Variants in CACNA1C observed in about 807,000 individuals in gnomAD.
CACNA1C encodes the protein voltage-dependent L-type calcium channel subunit alpha-1C.
In CACNA1C, 30 loss-of-function variants were observed where a neutral mutation model predicts 229.0. That is an observed-to-expected ratio of 0.13 (90% CI 0.10 to 0.18). The LOEUF (loss-of-function observed/expected upper bound fraction) is 0.18. CACNA1C is among the 10% of genes least tolerant of loss of function. CACNA1C has a pLI of 1.00. For synonymous variants in CACNA1C, 1,114 were observed against 1,132.5 expected (o/e 0.98, Z 0.33); for missense variants, 1,658 against 2,845.0 (o/e 0.58, Z 9.49).
In CACNA1C at chr12:2,654,553, C is replaced by T. The variant is rs774882807; in HGVS notation, c.4141-594C>T. 3.3e-5 allele frequency among the ~76,000 whole-genome samples: 5 copies of T among 152,186 alleles called. No individual in the cohort carries two copies. The highest frequency in any genetic ancestry group is 1.9e-4 in the East Asian group (1 of 5,200). ...CACTAGCCCAAAGCGCTTCCTCGGC[C>T]GCTCCTTCAGGAAGTCCCCTACTTG... On this transcript the variant is annotated intron_variant, in intron 33 of 46. Coordinates refer to ENST00000399655, the MANE Select transcript of CACNA1C (RefSeq NM_000719.7). This position sits in a 1 kb window ranked among gnomAD's most constrained non-coding sequence, Gnocchi z 4.4.
At chr12:2,320,146 C>T (rs2095902289) in intron 3 of CACNA1C, among the ~76,000 whole-genome samples, 1 of 152,144 alleles carries the variant, frequency 6.6e-6, no homozygotes, top group Non-Finnish European at 1.5e-5. Flanking sequence ...GACCTGGGCC[C>T]CTGACTCCAA....
chr12:2,195,191 C>T (rs2239018), intron 3 of CACNA1C, among the ~76,000 whole-genome samples: 46,897 of 152,064 alleles, frequency 0.31, 8,305 homozygotes, highest in South Asian at 0.39. Flanking sequence ...TTGGTCCAGG[C>T]GGTAAGTCAT....
Position 2,547,403 on chromosome 12 carries a change from G to A in CACNA1C, c.1391-2540G>A, listed in dbSNP as rs895040192. 3 of 777,810 alleles carry A rather than the reference G, an allele frequency of 3.9e-6. No individual in the cohort carries two copies. In the African/African-American group the frequency reaches 5.1e-5, roughly 13 times the overall value. 48.2% of individuals were successfully genotyped at this position (777,810 alleles called of 1,614,324 possible). A position where few individuals can be genotyped will look rare whatever the true frequency, so the allele number is the denominator to read the frequency against. Reference sequence around the variant, plus strand: ...CGTGGCTGACTGCGTGTGCTCTATTGATGTCTTGTTCCTGGTTCTTGACAC... The same window carrying A: ...CGTGGCTGACTGCGTGTGCTCTATTAATGTCTTGTTCCTGGTTCTTGACAC... On this transcript the variant is annotated intron_variant, in intron 9 of 46. Transcript: ENST00000399655.
chr12:2,249,585 C>T (rs1016120618), intron 3 of CACNA1C, among the ~76,000 whole-genome samples: 15 of 152,272 alleles, frequency 9.9e-5, no homozygotes, highest in African/African-American at 3.6e-4. Flanking sequence ...CTCTGCAGTT[C>T]GTCACCCCCA....
At chr12:2,638,095 T>G (rs971856783) in intron 30 of CACNA1C, among the ~76,000 whole-genome samples, 3 of 152,208 alleles carry the variant, frequency 2.0e-5, no homozygotes, top group African/African-American at 7.2e-5. Context: ...AGCCCCTGCC[T>G]TCACAGATTT....
intron 3 of CACNA1C, among the ~76,000 whole-genome samples, chr12:2,391,100 G>A (rs937364301): frequency 8.5e-5 from 13 of 152,258 alleles, no homozygotes; most frequent in Non-Finnish European, 1.5e-4. Flanking sequence ...GGTGAGGAAC[G>A]CAAAAATGCC....
At chr12:2,620,649 A>T (rs1402102310) in intron 29 of CACNA1C, among the ~76,000 whole-genome samples, 1 of 152,186 alleles carries the variant, frequency 6.6e-6, no homozygotes, top group African/African-American at 2.4e-5. Flanking sequence ...TGAGTTGACA[A>T]GCACTTTCAG....
At chr12:2,557,837 G>T (rs911575142) in intron 11 of CACNA1C, among the ~76,000 whole-genome samples, 2 of 152,214 alleles carry the variant, frequency 1.3e-5, no homozygotes, top group African/African-American at 4.8e-5. Context: ...CTGCCTGCAT[G>T]CCTCCAGGGG....
intron 1 of CACNA1C, among the ~76,000 whole-genome samples, chr12:2,002,849 T>G (rs557437882): frequency 6.6e-6 from 1 of 152,304 alleles, no homozygotes; most frequent in South Asian, 2.1e-4. Flanking sequence ...TGGAGGAAAC[T>G]GTCTATGTTG....
At chr12:2,529,422 T>G (rs916972324) in intron 9 of CACNA1C, among the ~76,000 whole-genome samples, 2 of 152,362 alleles carry the variant, frequency 1.3e-5, no homozygotes, top group South Asian at 4.1e-4. Context: ...TAGTACATCT[T>G]GAATGTGGGG....
At chr12:2,458,222 G>A (rs1188092214) in intron 5 of CACNA1C, among the ~76,000 whole-genome samples, 4 of 152,206 alleles carry the variant, frequency 2.6e-5, no homozygotes, top group African/African-American at 9.7e-5. Context: ...GAGCCCTACT[G>A]GAAATACCAC....
intron 3 of CACNA1C, among the ~76,000 whole-genome samples, chr12:2,424,597 G>T (rs542662796): frequency 1.3e-5 from 2 of 152,284 alleles, no homozygotes; most frequent in Admixed American, 6.5e-5. Context: ...ATGTGGGTAG[G>T]GGGTGAGTGC....
At position 2,695,122 on chromosome 12, in the gene CACNA1C, CCA is replaced by C. The variant is rs1241189360; in HGVS notation, c.*3924_*3925del. 7.2e-5 allele frequency: 11 copies of C among 152,216 alleles called. No individual in the cohort carries two copies. The highest frequency in any genetic ancestry group is 3.9e-4 in the Admixed American group (6 of 15,288). The allele number at this position is 152,216 out of a possible 1,614,324, so 9.4% of individuals were successfully genotyped here. A position where few individuals can be genotyped will look rare whatever the true frequency, so the allele number is the denominator to read the frequency against. The stretch of plus-strand genomic sequence containing the variant: ...CTTGCTGATGGAGTCTGGGCCGTTT[CCA>C]TATTTTAAAGAAGACCTGCCTCTGG... On this transcript the variant is annotated 3_prime_UTR_variant, in exon 47 of 47. Coordinates refer to ENST00000399655, the MANE Select transcript of CACNA1C (RefSeq NM_000719.7).
Position 2,053,392 on chromosome 12 carries a change from G to A in CACNA1C, c.-171G>A. The A allele has an allele frequency of 7.1e-7, 1 of 1,404,342 alleles. No individual in the cohort carries two copies. Among genetic ancestry groups the A allele is most frequent in the East Asian group, 2.8e-5 (1 of 36,300 alleles). The allele number at this position is 1,404,342 out of a possible 1,614,324, so 87.0% of individuals were successfully genotyped here. On this transcript the variant is annotated 5_prime_UTR_variant, in exon 1 of 47. Transcript: ENST00000399655. The surrounding 1 kb of genome is among the most constrained non-coding windows in gnomAD (Gnocchi z 5.8). Reference sequence around the variant, plus strand: ...TTTTTGGGGTTTGATGCCATAATGGGAATCAGGTAATCGTCGGCGGGGAAG... The same window carrying A: ...TTTTTGGGGTTTGATGCCATAATGGAAATCAGGTAATCGTCGGCGGGGAAG...
chr12:2,693,523 G>GTCAAC lies in CACNA1C; in HGVS notation c.*2327_*2331dup, dbSNP rs2097810509. On this transcript the variant is annotated 3_prime_UTR_variant, in exon 47 of 47. Transcript: ENST00000399655. ...TGGTGAAACCCTGATCCATCTGAAA[G>GTCAAC]TCAACTCTGCGTGCTCCTTTCTCCA... The GTCAAC allele has an allele frequency of 6.6e-6, 1 of 152,254 alleles. No homozygotes were observed. The highest frequency in any genetic ancestry group is 2.4e-5 in the African/African-American group (1 of 41,462). 9.4% of individuals were successfully genotyped at this position (152,254 alleles called of 1,614,324 possible). A position where few individuals can be genotyped will look rare whatever the true frequency, so the allele number is the denominator to read the frequency against.
At chr12:2,235,611 G>A (rs2067046747) in intron 3 of CACNA1C, among the ~76,000 whole-genome samples, 1 of 152,192 alleles carries the variant, frequency 6.6e-6, no homozygotes, top group Non-Finnish European at 1.5e-5. Context: ...CCATCTCTGG[G>A]TGATGCCGGT....
chr12:2,559,421 G>A (rs1297767183), intron 11 of CACNA1C, among the ~76,000 whole-genome samples: 3 of 152,238 alleles, frequency 2.0e-5, no homozygotes, highest in African/African-American at 7.2e-5. Context: ...TTTTCAACAA[G>A]AGGGAAAGAG....
At chr12:2,338,357 C>T (rs189293923) in intron 3 of CACNA1C, among the ~76,000 whole-genome samples, 17 of 152,260 alleles carry the variant, frequency 1.1e-4, no homozygotes, top group African/African-American at 3.9e-4. Context: ...CCAGGGTGGG[C>T]GCCTTGTGCA....
intron 18 of CACNA1C, among the ~76,000 whole-genome samples, chr12:2,588,550 C>T (rs1373574347): frequency 6.6e-6 from 1 of 152,236 alleles, no homozygotes; most frequent in Non-Finnish European, 1.5e-5. Context: ...ACTCTGCTGG[C>T]TGCAGCTTCA....
Sources: allele counts gnomAD v4.1 joint callset (sites outside exome capture counted in the v4.1 genomes callset), GRCh38; gene constraint gnomAD v4.1.1; non-coding constraint Gnocchi (gnomAD v3.1); transcripts MANE v1.5; gene names NCBI Gene and HGNC (gene_info 2026-07-23, HGNC 2026-07-21).